The following ATP2C1 variants were observed in gnomAD, a reference collection of about 807,000 sequenced individuals.
ATP2C1 encodes the protein ATPase secretory pathway Ca2+ transporting 1, also known as calcium-transporting ATPase type 2C member 1.
A neutral mutation model predicts 120.5 loss-of-function variants in ATP2C1; 31 were observed. That is an observed-to-expected ratio of 0.26 (90% CI 0.19 to 0.35). The LOEUF (loss-of-function observed/expected upper bound fraction) is 0.35. Ranked by LOEUF, ATP2C1 falls within the 10% of genes least tolerant of loss-of-function variation. ATP2C1 has a pLI of 1.00. For synonymous variants in ATP2C1, 351 were observed against 358.7 expected, an observed-to-expected ratio of 0.98 and a Z score of 0.24; for missense variants, 731 against 1,107.5, an observed-to-expected ratio of 0.66 and a Z score of 4.83.
intron 1 of ATP2C1, among the ~76,000 whole-genome samples, chr3:130,888,971 T>C (rs2069073739): frequency 6.6e-6 from 1 of 152,212 alleles, no homozygotes. Flanking sequence ...CTGAAATAAA[T>C]GTGAGTTATA....
chr3:130,864,810 T>A (rs1441400189), intron 1 of ATP2C1, among the ~76,000 whole-genome samples: 1 of 152,154 alleles, frequency 6.6e-6, no homozygotes, highest in Non-Finnish European at 1.5e-5. Flanking sequence ...TTTCAGAAGA[T>A]GTATGGAAAC....
chr3:130,994,010 A>G lies in ATP2C1; in HGVS notation c.1969A>G (p.Ile657Val), dbSNP rs900214450. 6.2e-7 allele frequency: 1 copy of G among 1,614,158 alleles called. No homozygotes were observed. The highest frequency in any genetic ancestry group is 8.5e-7 in the Non-Finnish European group (1 of 1,180,012). The stretch of plus-strand genomic sequence containing the variant: ...TGCAGTTGCTCTGAAGGCTGCAGAC[A>G]TTGGAGTTGCGATGGGCCAGACTGG... Reference protein sequence around the residue: ...NDAVALKAADIGVAMGQTGTD... With the variant: ...NDAVALKAADVGVAMGQTGTD... Residue 657 changes from isoleucine to valine, a missense_variant, in exon 22 of 28, where the codon ATT (isoleucine) becomes GTT (valine). By Grantham distance (29) the Ile-to-Val change is conservative (BLOSUM62 3). This residue lies in a region of ATP2C1 where 571 missense variants were observed against 845.9 expected (regional missense o/e 0.67). Coordinates refer to ENST00000510168, the MANE Select transcript of ATP2C1 (RefSeq NM_001378687.1).
chr3:130,998,402 G>T lies in ATP2C1; in HGVS notation c.2487+13G>T. 1.3e-6 allele frequency: 2 copies of T among 1,553,682 alleles called. No homozygotes were observed. The highest frequency in any genetic ancestry group is 1.1e-5 in the South Asian group (1 of 89,852). ...TTCCAGATCCCAGGTATGTTTAGGT[G>T]AACTTAGTTGATTGACTTGATTGAC... On this transcript the variant is annotated intron_variant, in intron 26 of 27. Coordinates refer to ENST00000510168, the MANE Select transcript of ATP2C1 (RefSeq NM_001378687.1).
At chr3:130,851,736 C>T (rs1044789405) in intron 1 of ATP2C1, among the ~76,000 whole-genome samples, 5 of 152,164 alleles carry the variant, frequency 3.3e-5, no homozygotes, top group South Asian at 2.1e-4. Flanking sequence ...AGAAGTGTGG[C>T]GGTGGTATAC....
chr3:131,001,207 T>C lies in ATP2C1; in HGVS notation c.2630-13T>C, dbSNP rs1285966994. 5.0e-6 allele frequency: 8 copies of C among 1,612,512 alleles called. No homozygotes were observed. Among genetic ancestry groups the C allele is most frequent in the South Asian group, 2.2e-5 (2 of 91,066 alleles). On this transcript the variant is annotated splice_polypyrimidine_tract_variant and intron_variant, in intron 27 of 27. Coordinates refer to ENST00000510168, the MANE Select transcript of ATP2C1 (RefSeq NM_001378687.1). ...TCAAAGAAATGTAAAACCCAACTTA[T>C]TTTCTCTTGCAGATCTGTTGTTTCT...
chr3:130,976,705 G>T (rs1045039036), intron 18 of ATP2C1, among the ~76,000 whole-genome samples: 5 of 152,052 alleles, frequency 3.3e-5, no homozygotes, highest in Non-Finnish European at 7.4e-5. Flanking sequence ...CCCCACCTCA[G>T]TCCTCAAGCT....
At chr3:130,898,873 T>TA (rs2069883834) in intron 2 of ATP2C1, among the ~76,000 whole-genome samples, 1 of 152,154 alleles carries the variant, frequency 6.6e-6, no homozygotes, top group African/African-American at 2.4e-5. Context: ...GGCTTGATGG[T>TA]AAAGTTAGCA....
rs79094060 is a variant in ATP2C1, at chr3:130,998,752, A to G, written c.2487+363A>G. 5.0e-3 allele frequency among the ~76,000 whole-genome samples: 754 copies of G among 152,296 alleles called. 10 individuals are homozygous for G. The highest frequency in any genetic ancestry group is 0.017 in the African/African-American group (716 of 41,570). Reference sequence around the variant, plus strand: ...TCTCATTTTAAAAGACAGTATTGCTAGGAGTATAAGAGCAGTTATGTGCCT... The same window carrying G: ...TCTCATTTTAAAAGACAGTATTGCTGGGAGTATAAGAGCAGTTATGTGCCT... On this transcript the variant is annotated intron_variant, in intron 26 of 27. Transcript: ENST00000510168.
intron 1 of ATP2C1, among the ~76,000 whole-genome samples, chr3:130,865,224 G>T (rs147123869): frequency 5.3e-5 from 8 of 152,112 alleles, no homozygotes; most frequent in Admixed American, 5.2e-4. Flanking sequence ...TTTTGGACTT[G>T]TATGGGCCTC....
intron 17 of ATP2C1, among the ~76,000 whole-genome samples, chr3:130,969,612 G>A (rs1280193404): frequency 6.6e-6 from 1 of 152,198 alleles, no homozygotes; most frequent in East Asian, 1.9e-4. Flanking sequence ...TGGAGTTGCT[G>A]CTGTGTGAGC....
At chr3:130,970,340 C>G (rs1365379306) in intron 17 of ATP2C1, among the ~76,000 whole-genome samples, 2 of 148,322 alleles carry the variant, frequency 1.3e-5, no homozygotes, top group Non-Finnish European at 1.5e-5. Flanking sequence ...GCACTCCAGC[C>G]TGGGCAACAG....
At chr3:131,014,295 T>A in intron 26 of ATP2C1, 1 of 1,614,140 alleles carries the variant, frequency 6.2e-7, no homozygotes, top group Non-Finnish European at 8.5e-7. Flanking sequence ...ATAAAGTTGC[T>A]TAGCCTCAGG....
chr3:130,989,235 G>A (rs1480724650), intron 20 of ATP2C1, among the ~76,000 whole-genome samples: 38 of 96,262 alleles, frequency 3.9e-4, no homozygotes, highest in Middle Eastern at 9.3e-3. Context: ...CTACAAGAGC[G>A]AAAATCCATC....
intron 1 of ATP2C1, among the ~76,000 whole-genome samples, chr3:130,870,398 A>T (rs116509751): frequency 1.2e-3 from 182 of 152,370 alleles, no homozygotes; most frequent in Non-Finnish European, 2.5e-3. Flanking sequence ...GGATCTGGGC[A>T]AAGTAAACTG....
intron 8 of ATP2C1, among the ~76,000 whole-genome samples, chr3:130,944,679 CA>C (rs2060062994): frequency 6.6e-6 from 1 of 152,076 alleles, no homozygotes; most frequent in African/African-American, 2.4e-5. Context: ...TTGAGACTGC[CA>C]TTTTGTTTAT....
downstream of ATP2C1, among the ~76,000 whole-genome samples, chr3:131,007,085 CAG>C (rs1157608645): frequency 4.6e-5 from 7 of 151,756 alleles, no homozygotes; most frequent in East Asian, 1.2e-3. Context: ...TAAATCTAAA[CAG>C]AAATTTGGTG....
chr3:130,850,677 C>A, exon 1 of ATP2C1: 1 of 457,992 alleles, frequency 2.2e-6, no homozygotes, highest in Non-Finnish European at 3.8e-6. Context: ...GAGGAAACAG[C>A]AAGGAGAACA....
chr3:130,919,006 A>G, intron 2 of ATP2C1: 2 of 437,972 alleles, frequency 4.6e-6, no homozygotes, highest in South Asian at 3.5e-5. Flanking sequence ...AAACAAACAA[A>G]CAAACAAAAA....
intron 21 of ATP2C1, 25 bp from the exon 22 acceptor site, chr3:130,993,907 T>C: frequency 6.2e-7 from 1 of 1,613,820 alleles, no homozygotes; most frequent in Non-Finnish European, 8.5e-7. Flanking sequence ...TTCCTTCCTC[T>C]CCCCTGTCCT....
Sources: allele counts gnomAD v4.1 joint callset (sites outside exome capture counted in the v4.1 genomes callset), GRCh38; gene constraint gnomAD v4.1.1; regional missense constraint gnomAD v4.1.1; transcripts MANE v1.5; gene names NCBI Gene and HGNC (gene_info 2026-07-23, HGNC 2026-07-21).